The following BTC variants were observed in gnomAD, a reference collection of about 807,000 sequenced individuals.
The protein encoded by BTC is betacellulin.
BTC carries 13 observed loss-of-function variants against 18.1 expected under a neutral mutation model. The ratio of observed to expected loss-of-function variants is 0.72; its 90% CI spans 0.47 to 1.14. BTC has a LOEUF of 1.14. Ranked by LOEUF, BTC falls within the 50% of genes most tolerant of loss-of-function variation. BTC has a pLI of 0.00. For synonymous variants in BTC, 83 were observed against 79.4 expected (o/e 1.05, Z -0.24); for missense variants, 247 against 224.2 (o/e 1.10, Z -0.65).
In BTC at chr4:74,749,499, T is replaced by C. The variant is rs896984566; in HGVS notation, c.428+1074A>G. Among the ~76,000 whole-genome samples the C allele has an allele frequency of 5.5e-4, 82 of 149,728 alleles. 1 individual carries two copies. Among genetic ancestry groups the C allele is most frequent in the African/African-American group, 2.0e-3 (80 of 40,840 alleles). The stretch of plus-strand genomic sequence containing the variant: ...CTCTGTCTCAAAATAAATAAATAAA[T>C]AAATAAATAAATAAATAATCAAAGA... On this transcript the variant is annotated intron_variant, in intron 4 of 5. Transcript: ENST00000395743.
At position 74,760,245 on chromosome 4, in the gene BTC, T is replaced by A. The variant is rs981612565; in HGVS notation, c.164-4269A>T. ...CTCCGTAGTTAGATGCATAGTTAAA[T>A]CTCTATGTACAAATGTAAAGGGAAA... On this transcript the variant is annotated intron_variant, in intron 2 of 5. Coordinates refer to ENST00000395743, the MANE Select transcript of BTC (RefSeq NM_001729.4). Among the ~76,000 whole-genome samples, 3 of 152,176 alleles carry A rather than the reference T, an allele frequency of 2.0e-5. No individual in the cohort carries two copies. The East Asian group carries it at 5.8e-4, about 29-fold the overall frequency.
chr4:74,746,114 G>T lies in BTC; in HGVS notation c.*563C>A, dbSNP rs550873417. 1.3e-4 allele frequency: 20 copies of T among 152,300 alleles called. No homozygotes were observed. Among genetic ancestry groups the T allele is most frequent in the African/African-American group, 4.8e-4 (20 of 41,574 alleles). The allele number at this position is 152,300 out of a possible 1,614,324, so 9.4% of individuals were successfully genotyped here. ...TCAGACTAACAAAAATGATGGTTAA[G>T]AGCATAGATTTTGATTTAGATAAAT... is the stretch of plus-strand genomic sequence containing the variant. On this transcript the variant is annotated 3_prime_UTR_variant, in exon 6 of 6. Coordinates refer to ENST00000395743, the MANE Select transcript of BTC (RefSeq NM_001729.4).
At position 74,767,204 on chromosome 4, in the gene BTC, C is replaced by A. The variant is rs985803816; in HGVS notation, c.163+2854G>T. ...CTACACACACACACACACACACACA[C>A]AAACTGTAAGAACTAATTCACAAAT... On this transcript the variant is annotated intron_variant, in intron 2 of 5. Coordinates refer to ENST00000395743, the MANE Select transcript of BTC (RefSeq NM_001729.4). Among the ~76,000 whole-genome samples, 50 of 151,782 alleles carry A rather than the reference C, an allele frequency of 3.3e-4. 1 individual carries two copies. The highest frequency in any genetic ancestry group is 2.9e-3 in the Admixed American group (44 of 15,246).
chr4:74,755,762 A>C, intron 3 of BTC, 97 bp downstream of exon 3: 1 of 1,151,568 alleles, frequency 8.7e-7, no homozygotes, highest in South Asian at 1.3e-5. Flanking sequence ...GTGTTCGGAC[A>C]GATGGCATGG....
At chr4:74,793,945 C>A (rs993846905) in intron 1 of BTC, among the ~76,000 whole-genome samples, 4 of 151,500 alleles carry the variant, frequency 2.6e-5, no homozygotes, top group Non-Finnish European at 5.9e-5. Flanking sequence ...CCGCCGGCGC[C>A]GCCAGGCCCT....
intron 1 of BTC, among the ~76,000 whole-genome samples, chr4:74,786,540 T>C (rs933678918): frequency 2.6e-5 from 4 of 152,228 alleles, no homozygotes; most frequent in African/African-American, 9.6e-5. Context: ...TTCTTTTTAA[T>C]ACTAAACATA....
chr4:74,752,302 AG>A (rs1197144409), intron 3 of BTC, among the ~76,000 whole-genome samples: 9 of 152,008 alleles, frequency 5.9e-5, no homozygotes, highest in African/African-American at 2.2e-4. Flanking sequence ...TCAAAATTAC[AG>A]GAAGAGAGCT....
intron 1 of BTC, among the ~76,000 whole-genome samples, chr4:74,788,439 T>A (rs1010883649): frequency 2.6e-5 from 4 of 152,242 alleles, no homozygotes; most frequent in Non-Finnish European, 4.4e-5. Context: ...ATCTGTACGA[T>A]GCAATTTAAA....
rs905859731 is a variant in BTC, at chr4:74,748,063, A to G, written c.515T>C (p.Ile172Thr). The change falls in exon 5 of 6, where the codon ATT becomes ACT. Residue 172 changes from isoleucine to threonine, a missense_variant. Physicochemically the swap from Ile to Thr is moderately conservative, Grantham distance 89. Transcript: ENST00000395743. ...GKDITPINED[I>T]EETNIA ...ACTTTAAGCAATATTTGTCTCTTCA[A>G]TATCTTCATTGATAGGAGTTATATC... The G allele has an allele frequency of 2.5e-6, 4 of 1,598,632 alleles. No homozygotes were observed. The highest frequency in any genetic ancestry group is 1.7e-5 in the Admixed American group (1 of 59,354).
chr4:74,765,442 A>G (rs1724875724), intron 2 of BTC, among the ~76,000 whole-genome samples: 1 of 152,146 alleles, frequency 6.6e-6, no homozygotes, highest in Non-Finnish European at 1.5e-5. Context: ...CATAGGAGCA[A>G]AAAGAATAAA....
At chr4:74,794,180 A>C in intron 1 of BTC, 82 bp downstream of exon 1, 1 of 1,519,602 alleles carries the variant, frequency 6.6e-7, no homozygotes, top group Non-Finnish European at 8.9e-7. Context: ...TCCAGATGCC[A>C]GCTCGGTTCA....
chr4:74,777,074 T>C (rs559172974), intron 1 of BTC, among the ~76,000 whole-genome samples: 18 of 152,172 alleles, frequency 1.2e-4, no homozygotes, highest in Non-Finnish European at 2.5e-4. Context: ...TTATTTACAT[T>C]AAAGAGAAGC....
intron 2 of BTC, 124 bp downstream of exon 2, chr4:74,769,934 A>G: frequency 1.4e-6 from 1 of 733,036 alleles, no homozygotes; most frequent in Non-Finnish European, 2.2e-6. Flanking sequence ...ATTACTGTAT[A>G]TAAAGCACTT....
Position 74,759,652 on chromosome 4 carries a change from TAA to T in BTC, c.164-3678_164-3677del, listed in dbSNP as rs551981023. On this transcript the variant is annotated intron_variant, in intron 2 of 5. Transcript: ENST00000395743. Reference sequence around the variant, plus strand: ...TAAATATAAATAAAGACATGACATTTAAGTTAAAAAAAAAAAAAGAAACCTTT... The same window carrying T: ...TAAATATAAATAAAGACATGACATTTGTTAAAAAAAAAAAAAGAAACCTTT... 4.5e-5 allele frequency among the ~76,000 whole-genome samples: 6 copies of T among 134,428 alleles called. No homozygotes were observed. In the East Asian group the frequency reaches 1.3e-3, roughly 28 times the overall value. The allele number at this position is 134,428 out of a possible 152,430, so 88.2% of individuals were successfully genotyped here.
At chr4:74,762,206 A>T (rs1724777225) in intron 2 of BTC, among the ~76,000 whole-genome samples, 1 of 152,118 alleles carries the variant, frequency 6.6e-6, no homozygotes, top group Non-Finnish European at 1.5e-5. Flanking sequence ...TATTTTTAGC[A>T]TTTTTCTCAC....
intron 1 of BTC, among the ~76,000 whole-genome samples, chr4:74,777,756 A>G (rs891343014): frequency 2.6e-5 from 4 of 152,178 alleles, no homozygotes; most frequent in African/African-American, 9.6e-5. Context: ...TTACTGATTC[A>G]GTTGGTTGGT....
chr4:74,772,655 A>C (rs577893192), intron 1 of BTC, among the ~76,000 whole-genome samples: 202 of 151,190 alleles, frequency 1.3e-3, no homozygotes, highest in Non-Finnish European at 1.5e-3. Flanking sequence ...GTGAGAACAA[A>C]AAAAAAAAAA....
intron 2 of BTC, among the ~76,000 whole-genome samples, chr4:74,756,655 C>T (rs1724608616): frequency 6.6e-6 from 1 of 152,154 alleles, no homozygotes; most frequent in Admixed American, 6.5e-5. Context: ...TGTCTGTCAC[C>T]GACTCTCAGC....
rs1724290114 is a variant in BTC, at chr4:74,746,406, T to C, written c.*271A>G. 6.6e-6 allele frequency: 1 copy of C among 152,654 alleles called. No homozygotes were observed. The highest frequency in any genetic ancestry group is 6.5e-5 in the Admixed American group (1 of 15,288). The allele number at this position is 152,654 out of a possible 1,614,324, so 9.5% of individuals were successfully genotyped here. Reference sequence around the variant, plus strand: ...TTCTTTTTTGTTTGACTAGTAATCCTGGTGACAATACTTAAGTGAAAGGTT... The same window carrying C: ...TTCTTTTTTGTTTGACTAGTAATCCCGGTGACAATACTTAAGTGAAAGGTT... On this transcript the variant is annotated 3_prime_UTR_variant, in exon 6 of 6. Transcript: ENST00000395743.
Sources: allele counts gnomAD v4.1 joint callset (sites outside exome capture counted in the v4.1 genomes callset), GRCh38; gene constraint gnomAD v4.1.1; transcripts MANE v1.5; gene names NCBI Gene and HGNC (gene_info 2026-07-23, HGNC 2026-07-21).